The following ATP13A5 variants were observed in gnomAD, a reference collection of about 807,000 sequenced individuals.
The protein encoded by ATP13A5 is ATPase 13A5.
In ATP13A5, 149 loss-of-function variants were observed where a neutral mutation model predicts 150.2. The ratio of observed to expected loss-of-function variants is 0.99; its 90% CI spans 0.87 to 1.14. ATP13A5 has a LOEUF of 1.14. Ranked by LOEUF, ATP13A5 falls within the 50% of genes most tolerant of loss-of-function variation. The probability of loss-of-function intolerance (pLI) is 0.00; values close to 1 mark genes in which losing one functional copy is unlikely to be tolerated. For missense variants in ATP13A5, 1,383 were observed against 1,449.3 expected, an observed-to-expected ratio of 0.95 and a Z score of 0.74; for synonymous variants, 497 against 522.2, an observed-to-expected ratio of 0.95 and a Z score of 0.66.
chr3:193,290,187 A>C, intron 25 of ATP13A5, 128 bp from the exon 26 acceptor site: 1 of 889,320 alleles, frequency 1.1e-6, no homozygotes, highest in Non-Finnish European at 1.7e-6. Flanking sequence ...CAGAAGATTT[A>C]CACCTAGGTA....
chr3:193,276,110 C>CGAGATAAAGAGTATGAGAAAT (rs1166130732), intron 29 of ATP13A5, among the ~76,000 whole-genome samples: 13 of 152,232 alleles, frequency 8.5e-5, no homozygotes, highest in African/African-American at 3.1e-4. Flanking sequence ...ATGGAATCCC[C>CGAGATAAAGAGTATGAGAAAT]TTTAAACATA....
At chr3:193,370,310 A>G (rs1191699942) in intron 1 of ATP13A5, among the ~76,000 whole-genome samples, 1 of 152,152 alleles carries the variant, frequency 6.6e-6, no homozygotes, top group Non-Finnish European at 1.5e-5. Flanking sequence ...CTGACACCAG[A>G]ACCTCTTTTC....
At chr3:193,350,867 T>C (rs940452965) in intron 7 of ATP13A5, among the ~76,000 whole-genome samples, 200 bp downstream of exon 7, 2 of 152,178 alleles carry the variant, frequency 1.3e-5, no homozygotes, top group South Asian at 2.1e-4. Context: ...AGGCTTCAGA[T>C]GATAATCAGA....
At chr3:193,284,669 A>G (rs1717642770) in intron 27 of ATP13A5, among the ~76,000 whole-genome samples, 2 of 152,216 alleles carry the variant, frequency 1.3e-5, no homozygotes, top group Admixed American at 1.3e-4. Flanking sequence ...GTTTAAAATG[A>G]TTCTTGATGA....
intron 25 of ATP13A5, among the ~76,000 whole-genome samples, chr3:193,292,333 C>G (rs1017272562): frequency 2.0e-5 from 3 of 152,108 alleles, no homozygotes; most frequent in African/African-American, 7.2e-5. Context: ...AGTAAAATTG[C>G]TTCTCTGTGC....
At chr3:193,339,170 C>G (rs1205916638) in intron 9 of ATP13A5, among the ~76,000 whole-genome samples, 1 of 151,962 alleles carries the variant, frequency 6.6e-6, no homozygotes, top group African/African-American at 2.4e-5. Flanking sequence ...TTTTGTTGAT[C>G]TTTTCAAAAA....
chr3:193,324,728 A>C, intron 14 of ATP13A5, 136 bp downstream of exon 14: 1 of 906,938 alleles, frequency 1.1e-6, no homozygotes, highest in Non-Finnish European at 1.7e-6. Context: ...CAGGTTGGGA[A>C]GTTCTGGTAG....
intron 1 of ATP13A5, among the ~76,000 whole-genome samples, chr3:193,375,482 G>T (rs1915571): frequency 0.96 from 146,229 of 152,164 alleles, 70,294 homozygotes; most frequent in African/African-American, 0.98. Context: ...TGACTGCAAA[G>T]GGAGAGGCTG....
chr3:193,376,155 T>A (rs1191477770), intron 1 of ATP13A5, among the ~76,000 whole-genome samples: 1 of 152,218 alleles, frequency 6.6e-6, no homozygotes, highest in Non-Finnish European at 1.5e-5. Flanking sequence ...AAATTTATCA[T>A]CAGGCTACAT....
At chr3:193,327,418 TC>T (rs1184753949) in intron 12 of ATP13A5, among the ~76,000 whole-genome samples, 2 of 152,212 alleles carry the variant, frequency 1.3e-5, no homozygotes, top group Non-Finnish European at 2.9e-5. Flanking sequence ...ACCTGCTATC[TC>T]GCTGAAGCAG....
rs376836714 is a variant in ATP13A5 at position 193,333,778 on chromosome 3, T to C, written c.1244A>G (p.Tyr415Cys). The change falls in exon 11 of 30, where the codon TAT becomes TGT. Residue 415 changes from tyrosine to cysteine, a missense_variant. Physicochemically the swap from Tyr to Cys is radical, Grantham distance 194. Transcript: ENST00000342358. ...ATGGTACATATATACCCCTAGGGCA[T>C]AGAAAAAACCCATGACACCAAGGCA... ...LACLGVMGFF[Y>C]ALGVYMYHGV... 10 of 1,613,674 alleles carry C rather than the reference T, an allele frequency of 6.2e-6. No homozygotes were observed. The African/African-American group carries it at 1.3e-4, about 22-fold the overall frequency.
intron 5 of ATP13A5, among the ~76,000 whole-genome samples, chr3:193,355,830 G>A (rs931284121): frequency 6.6e-6 from 1 of 152,054 alleles, no homozygotes; most frequent in African/African-American, 2.4e-5. Flanking sequence ...CCCCAAACTC[G>A]GTCCTCCATT....
intron 12 of ATP13A5, among the ~76,000 whole-genome samples, chr3:193,329,257 A>T (rs1577352955): frequency 6.8e-6 from 1 of 145,994 alleles, no homozygotes; most frequent in African/African-American, 2.5e-5. Context: ...AAAAAAAAAA[A>T]GGTCACACAA....
intron 1 of ATP13A5, among the ~76,000 whole-genome samples, chr3:193,374,276 GCACACACA>G (rs542915725): frequency 8.1e-5 from 12 of 148,008 alleles, no homozygotes; most frequent in Middle Eastern, 3.4e-3. Flanking sequence ...GCATGTATTT[GCACACACA>G]CACACACACA....
chr3:193,362,684 C>T, intron 3 of ATP13A5, 47 bp from the exon 4 acceptor site: 4 of 1,573,832 alleles, frequency 2.5e-6, no homozygotes, highest in Non-Finnish European at 3.5e-6. Context: ...CAGCATAAAG[C>T]TCACTGGGAG....
intron 14 of ATP13A5, among the ~76,000 whole-genome samples, chr3:193,324,370 C>A (rs1422203299): frequency 1.3e-5 from 2 of 152,162 alleles, no homozygotes; most frequent in Non-Finnish European, 2.9e-5. Context: ...TTCAGTTTCT[C>A]AGTTGCAGAG....
chr3:193,348,475 T>C (rs1217941250), intron 7 of ATP13A5, among the ~76,000 whole-genome samples: 2 of 152,142 alleles, frequency 1.3e-5, no homozygotes, highest in African/African-American at 2.4e-5. Context: ...AGCAATACAG[T>C]ATGCACATAC....
At chr3:193,287,623 T>C (rs1717772940) in intron 26 of ATP13A5, among the ~76,000 whole-genome samples, 1 of 152,122 alleles carries the variant, frequency 6.6e-6, no homozygotes, top group Non-Finnish European at 1.5e-5. Context: ...AATATTACTC[T>C]TTATTGACAG....
At chr3:193,354,395 G>C (rs1370194698) in intron 5 of ATP13A5, among the ~76,000 whole-genome samples, 199 bp from the exon 6 acceptor site, 1 of 152,136 alleles carries the variant, frequency 6.6e-6, no homozygotes, top group Admixed American at 6.5e-5. Flanking sequence ...GGACAGAGCT[G>C]TAGTCCTCGA....
Sources: gnomAD v4.1 joint callset for allele counts (sites outside exome capture counted in the v4.1 genomes callset) on GRCh38, gnomAD v4.1.1 for gene constraint, MANE v1.5 for transcripts, NCBI Gene and HGNC (gene_info 2026-07-23, HGNC 2026-07-21) for gene names.